The following MAIP1 variants were observed in gnomAD, a reference collection of about 807,000 sequenced individuals.
The protein encoded by MAIP1 is m-AAA protease-interacting protein 1, mitochondrial.
Under a neutral mutation model 31.2 loss-of-function variants are expected in MAIP1, and 28 were observed. The ratio of observed to expected loss-of-function variants is 0.90; its 90% CI spans 0.67 to 1.23. MAIP1 has a LOEUF of 1.23. MAIP1 is among the 50% of genes most tolerant of loss of function. MAIP1 has a pLI of 0.00. For missense variants in MAIP1, 339 were observed against 356.0 expected (o/e 0.95, Z 0.38); for synonymous variants, 142 against 142.3 (o/e 1.00, Z 0.02).
rs761298842 is a variant in MAIP1 at position 199,955,754 on chromosome 2, C to T, written c.-45C>T. 1 of 1,495,784 alleles carries T rather than the reference C, an allele frequency of 6.7e-7. No individual in the cohort carries two copies. Among genetic ancestry groups the T allele is most frequent in the African/African-American group, 1.4e-5 (1 of 71,422 alleles). 92.7% of individuals were successfully genotyped at this position (1,495,784 alleles called of 1,614,324 possible). A position where few individuals can be genotyped will look rare whatever the true frequency, so the allele number is the denominator to read the frequency against. On this transcript the variant is annotated 5_prime_UTR_variant, in exon 1 of 5. Coordinates refer to ENST00000392290, the MANE Select transcript of MAIP1 (RefSeq NM_001394955.1). ...GCTGAGGCGGTTTCCCACCGACTTC[C>T]TTTCCATACAGCACCGGCAGGCACC...
chr2:199,961,343 G>A (rs2077635628), intron 3 of MAIP1, among the ~76,000 whole-genome samples: 1 of 151,930 alleles, frequency 6.6e-6, no homozygotes, highest in Non-Finnish European at 1.5e-5. Flanking sequence ...GCGTGCCTGT[G>A]GTCCCATCTA....
At chr2:199,956,318 C>T in intron 1 of MAIP1, 70 bp downstream of exon 1, 1 of 1,266,196 alleles carries the variant, frequency 7.9e-7, no homozygotes, top group Non-Finnish European at 1.1e-6. Flanking sequence ...AAGTGCTTAG[C>T]AGTGAGTTTT....
intron 2 of MAIP1, among the ~76,000 whole-genome samples, 154 bp from the exon 3 acceptor site, chr2:199,959,600 T>C (rs945086512): frequency 6.6e-6 from 1 of 152,202 alleles, no homozygotes; most frequent in African/African-American, 2.4e-5. Context: ...ACTTGAATAA[T>C]GAGATACATT....
At position 199,961,908 on chromosome 2, in the gene MAIP1, A is replaced by G. The variant is rs1559313159; in HGVS notation, c.777A>G (p.Gln259=). Residue 259 remains glutamine (Q), a synonymous_variant, in exon 4 of 5, where the codon CAA becomes CAG. Transcript: ENST00000392290. ...KLGNQNVETK[Q]LLSASYEFQR... ...GGAATCAGAATGTGGAAACTAAACA[A>G]CTTCTTAGTGCAAGCTATGAGTAAG... 5 of 1,613,128 alleles carry G rather than the reference A, an allele frequency of 3.1e-6. No homozygotes were observed. The highest frequency in any genetic ancestry group is 2.2e-5 in the East Asian group (1 of 44,842).
At chr2:199,960,197 C>T (rs1369237744) in intron 3 of MAIP1, among the ~76,000 whole-genome samples, 2 of 152,152 alleles carry the variant, frequency 1.3e-5, no homozygotes. Flanking sequence ...GATTTCCTAA[C>T]TTGAAGGAAA....
chr2:199,961,768 T>C lies in MAIP1; in HGVS notation c.650-13T>C. ...ATTTGTATTCGTATGTGTGTATATG[T>C]TTTTTCTCTAAGGAAGGAAGTTTGT... On this transcript the variant is annotated splice_polypyrimidine_tract_variant and intron_variant, in intron 3 of 4. Coordinates refer to ENST00000392290, the MANE Select transcript of MAIP1 (RefSeq NM_001394955.1). 3 of 1,605,624 alleles carry C rather than the reference T, an allele frequency of 1.9e-6. No homozygotes were observed. Among genetic ancestry groups the C allele is most frequent in the Non-Finnish European group, 2.6e-6 (3 of 1,175,922 alleles).
At chr2:199,956,914 A>T (rs2077609313) in intron 1 of MAIP1, among the ~76,000 whole-genome samples, 1 of 152,176 alleles carries the variant, frequency 6.6e-6, no homozygotes, top group South Asian at 2.1e-4. Flanking sequence ...TAGCCTTTAG[A>T]GATTCTTATC....
At position 199,956,752 on chromosome 2, in the gene MAIP1, G is replaced by C. The variant is rs546136056; in HGVS notation, c.450+504G>C. ...TAATGTCACCTTGGGTAGAAGAGCA[G>C]AACTTCCTGCCAGCTATTAGACAGA... On this transcript the variant is annotated intron_variant, in intron 1 of 4. Coordinates refer to ENST00000392290, the MANE Select transcript of MAIP1 (RefSeq NM_001394955.1). Among the ~76,000 whole-genome samples the C allele has an allele frequency of 3.9e-5, 6 of 152,178 alleles. No individual in the cohort carries two copies. In the East Asian group the frequency reaches 9.6e-4, roughly 24 times the overall value.
chr2:199,961,432 C>T lies in MAIP1; in HGVS notation c.650-349C>T, dbSNP rs534336888. Among the ~76,000 whole-genome samples, 5 of 152,038 alleles carry T rather than the reference C, an allele frequency of 3.3e-5. No individual in the cohort carries two copies. In the South Asian group the frequency reaches 8.3e-4, roughly 25 times the overall value. On this transcript the variant is annotated intron_variant, in intron 3 of 4. Coordinates refer to ENST00000392290, the MANE Select transcript of MAIP1 (RefSeq NM_001394955.1). Reference sequence around the variant, plus strand: ...TGAGCCGATACTGCGCCACTGCACCCCAGCCCGGGTGACAGAGTGAGACTC... The same window carrying T: ...TGAGCCGATACTGCGCCACTGCACCTCAGCCCGGGTGACAGAGTGAGACTC...
Position 199,963,877 on chromosome 2 carries a change from T to G in MAIP1, c.*66T>G. 1.1e-6 allele frequency: 1 copy of G among 911,722 alleles called. No individual in the cohort carries two copies. The highest frequency in any genetic ancestry group is 1.7e-6 in the Non-Finnish European group (1 of 571,478). The allele number at this position is 911,722 out of a possible 1,614,324, so 56.5% of individuals were successfully genotyped here. On this transcript the variant is annotated 3_prime_UTR_variant, in exon 5 of 5. Transcript: ENST00000392290. ...GTGAAAAACTAAGGAAGAAAAATTT[T>G]GGGGTCATTTGATCTTCACTTAATC...
chr2:199,962,357 TTCTGCATGAC>T (rs2077641383), intron 4 of MAIP1, among the ~76,000 whole-genome samples: 1 of 152,344 alleles, frequency 6.6e-6, no homozygotes, highest in African/African-American at 2.4e-5. Flanking sequence ...ACTCCTTGGC[TTCTGCATGAC>T]TCTGTATTCT....
chr2:199,959,289 T>C lies in MAIP1; in HGVS notation c.472T>C (p.Leu158=). ...CAAGGCTTTTGCTCATGTATCCAAG[T>C]TGCTGTCACAGTGTAAATTTGATCT... ...AKQAFAHVSK[L]LSQCKFDLLE... The change falls in exon 2 of 5, where the codon TTG becomes CTG. Residue 158 remains leucine (L), a synonymous_variant. Transcript: ENST00000392290. 1 of 1,594,058 alleles carries C rather than the reference T, an allele frequency of 6.3e-7. No homozygotes were observed. The highest frequency in any genetic ancestry group is 8.6e-7 in the Non-Finnish European group (1 of 1,161,992).
In MAIP1 at chr2:199,959,778, G is replaced by A. The variant is rs753070404; in HGVS notation, c.547G>A (p.Val183Ile). ...GGTGCTACATGCATTGAAAGAAAAG[G>A]TTACTTCACTACCTGACAACCATAA... ...KEVLHALKEK[V>I]TSLPDNHKNA... Residue 183 changes from valine (V) to isoleucine (I), a missense_variant, in exon 3 of 5, where the codon GTT becomes ATT. By Grantham distance (29) the Val-to-Ile change is conservative. Transcript: ENST00000392290. The A allele has an allele frequency of 6.2e-7, 1 of 1,612,250 alleles. No homozygotes were observed. Among genetic ancestry groups the A allele is most frequent in the Non-Finnish European group, 8.5e-7 (1 of 1,179,264 alleles).
upstream of MAIP1, chr2:199,955,522 G>A: frequency 6.3e-7 from 1 of 1,588,790 alleles, no homozygotes; most frequent in Non-Finnish European, 8.6e-7. Flanking sequence ...GCTCTAAAGC[G>A]TTCCTCAGCG....
chr2:199,955,675 C>A lies in MAIP1; in HGVS notation c.-124C>A. 8.6e-7 allele frequency: 1 copy of A among 1,156,082 alleles called. No individual in the cohort carries two copies. Among genetic ancestry groups the A allele is most frequent in the Non-Finnish European group, 1.2e-6 (1 of 835,646 alleles). 71.6% of individuals were successfully genotyped at this position (1,156,082 alleles called of 1,614,324 possible). On this transcript the variant is annotated 5_prime_UTR_variant, in exon 1 of 5. Coordinates refer to ENST00000392290, the MANE Select transcript of MAIP1 (RefSeq NM_001394955.1). ...GGAGAGCGGGGACGGGGCCGACTCA[C>A]CAGAGGCTGCAGCAACAGGTCCACT...
chr2:199,962,527 C>T (rs1053068734), intron 4 of MAIP1, among the ~76,000 whole-genome samples: 42 of 152,310 alleles, frequency 2.8e-4, no homozygotes, highest in African/African-American at 1.0e-3. Flanking sequence ...CTGCCATAGT[C>T]TACTTGTCAA....
intron 3 of MAIP1, among the ~76,000 whole-genome samples, 159 bp from the exon 4 acceptor site, chr2:199,961,622 T>C (rs896898695): frequency 2.0e-5 from 3 of 152,174 alleles, no homozygotes; most frequent in African/African-American, 7.2e-5. Flanking sequence ...AAAAATAAAA[T>C]AGTATCAATA....
At chr2:199,957,095 G>C (rs1559311634) in intron 1 of MAIP1, among the ~76,000 whole-genome samples, 1 of 141,820 alleles carries the variant, frequency 7.1e-6, no homozygotes, top group East Asian at 2.1e-4. Flanking sequence ...AAACATTGCA[G>C]AACTGCTGAT....
In MAIP1 at chr2:199,955,964, C is replaced by T. The variant is rs751845535; in HGVS notation, c.166C>T (p.Arg56Ter). 1.2e-6 allele frequency: 2 copies of T among 1,607,898 alleles called. No individual in the cohort carries two copies. The highest frequency in any genetic ancestry group is 1.7e-6 in the Non-Finnish European group (2 of 1,176,240). Residue 56 changes from arginine to a stop codon, truncating the protein, a stop_gained, in exon 1 of 5, where the codon CGA becomes TGA. Transcript: ENST00000392290. LOFTEE classifies it high-confidence loss of function. The part of the protein sequence containing the change: ...RLGLGAALFP[R>*]SARALAASAL... ...CGGCTTGGGAGCGGCGTTATTTCCA[C>T]GAAGCGCTAGGGCCTTGGCAGCCTC...
Sources: gnomAD v4.1 joint callset for allele counts (sites outside exome capture counted in the v4.1 genomes callset) on GRCh38, gnomAD v4.1.1 for gene constraint, MANE v1.5 for transcripts, NCBI Gene and HGNC (gene_info 2026-07-23, HGNC 2026-07-21) for gene names.